The following DMD variants were observed in gnomAD, a reference collection of about 807,000 sequenced individuals.
DMD encodes the protein dystrophin.
A neutral mutation model predicts 330.1 loss-of-function variants in DMD; 63 were observed. The ratio of observed to expected loss-of-function variants is 0.19; its 90% CI spans 0.16 to 0.24. DMD has a LOEUF of 0.24. Among genes scored for constraint, DMD ranks in the 10% least tolerant of loss-of-function variants. The probability of loss-of-function intolerance (pLI) is 1.00; values close to 1 mark genes in which losing one functional copy is unlikely to be tolerated. For synonymous variants in DMD, 1,223 were observed against 959.8 expected (o/e 1.27, Z -5.07); for missense variants, 3,344 against 2,684.1 (o/e 1.25, Z -5.43).
At chrX:32,194,786 G>A (rs2096991502) in intron 44 of DMD, among the ~76,000 whole-genome samples, 1 of 111,949 alleles carries the variant, frequency 8.9e-6, no homozygotes, top group African/African-American at 3.2e-5. Flanking sequence ...GTTGACTTAA[G>A]AAGAAAATGG....
At chrX:32,136,714 TCATGGTATACA>T (rs2096727287) in intron 44 of DMD, among the ~76,000 whole-genome samples, 2 of 112,348 alleles carry the variant, frequency 1.8e-5, no homozygotes, top group Non-Finnish European at 3.8e-5. Context: ...ATTAATCATC[TCATGGTATACA>T]AATTCTAATC....
chrX:31,240,017 G>A (rs1285943525), intron 63 of DMD, among the ~76,000 whole-genome samples: 1 of 111,612 alleles, frequency 9.0e-6, no homozygotes, highest in Non-Finnish European at 1.9e-5. Context: ...GTTTGCTTCT[G>A]AAGTCATGAG....
rs184822746 is a variant in DMD, at chrX:31,889,721, T to G, written c.6913-14348A>C. Among the ~76,000 whole-genome samples, 14 of 105,937 alleles carry G rather than the reference T, an allele frequency of 1.3e-4. 2 individuals are homozygous for G. The highest frequency in any genetic ancestry group is 4.2e-4 in the African/African-American group (12 of 28,869). The allele number at this position is 105,937 out of a possible 115,157, so 92.0% of individuals were successfully genotyped here. On this transcript the variant is annotated intron_variant, in intron 47 of 78. Coordinates refer to ENST00000357033, the MANE Select transcript of DMD (RefSeq NM_004006.3). The stretch of plus-strand genomic sequence containing the variant: ...TGTGTTGTTACAAATTAACCCCGTA[T>G]TTTTCTCCCTCTCTCCCTCCCTCCC...
At chrX:31,368,142 A>G (rs1303360505) in intron 60 of DMD, among the ~76,000 whole-genome samples, 1 of 111,632 alleles carries the variant, frequency 9.0e-6, no homozygotes, top group Non-Finnish European at 1.9e-5. Flanking sequence ...CCTGACCCCC[A>G]TGACATGGGA....
chrX:32,057,849 G>A (rs759197268), intron 44 of DMD, among the ~76,000 whole-genome samples: 2 of 111,170 alleles, frequency 1.8e-5, no homozygotes, highest in Non-Finnish European at 3.8e-5. Flanking sequence ...AATTACCAAA[G>A]CTACCTCAGT....
At chrX:33,123,493 T>A (rs902677698) in intron 1 of DMD, among the ~76,000 whole-genome samples, 2 of 111,013 alleles carry the variant, frequency 1.8e-5, no homozygotes, top group Non-Finnish European at 3.8e-5. Flanking sequence ...CTCGGTTCAA[T>A]GCAACCTCCG....
At chrX:32,547,532 C>T (rs1443685367) in intron 16 of DMD, among the ~76,000 whole-genome samples, 2 of 110,918 alleles carry the variant, frequency 1.8e-5, no homozygotes, top group African/African-American at 3.3e-5. Flanking sequence ...GAAAACTGTG[C>T]ATTCACCCTG....
chrX:31,844,596 A>G (rs141337559), intron 48 of DMD, among the ~76,000 whole-genome samples: 1,815 of 111,763 alleles, frequency 0.016, 27 homozygotes, highest in Middle Eastern at 0.043. Context: ...AATAGCATTG[A>G]ATCTGTAGAT....
intron 49 of DMD, among the ~76,000 whole-genome samples, chrX:31,830,711 C>A (rs182202146): frequency 8.9e-6 from 1 of 111,849 alleles, no homozygotes; most frequent in Non-Finnish European, 1.9e-5. Context: ...GCATTGAGAA[C>A]GTGAAAAATA....
At position 33,010,017 on chromosome X, in the gene DMD, CATATGTGTGT is replaced by C. The variant is rs2093639889; in HGVS notation, c.93+10112_93+10121del. On this transcript the variant is annotated intron_variant, in intron 2 of 78. Transcript: ENST00000357033. The stretch of plus-strand genomic sequence containing the variant: ...ATACACGTATGTATGTGTATATACA[CATATGTGTGT>C]ACATGTGTATATACACATGTGTATA... Among the ~76,000 whole-genome samples, 7 of 60,246 alleles carry C rather than the reference CATATGTGTGT, an allele frequency of 1.2e-4. 1 individual carries two copies. Among genetic ancestry groups the C allele is most frequent in the Admixed American group, 8.1e-4 (5 of 6,175 alleles). 52.3% of individuals were successfully genotyped at this position (60,246 alleles called of 115,157 possible).
chrX:31,286,927 G>A (rs1481485673), intron 62 of DMD, among the ~76,000 whole-genome samples: 4 of 111,976 alleles, frequency 3.6e-5, no homozygotes, highest in South Asian at 7.6e-4. Context: ...CGCCATGCCC[G>A]GCTAAGTTTT....
intron 50 of DMD, among the ~76,000 whole-genome samples, chrX:31,796,928 T>C (rs2091859493): frequency 9.0e-6 from 1 of 111,418 alleles, no homozygotes; most frequent in Admixed American, 9.6e-5. Flanking sequence ...CAGCTCCCCT[T>C]TGCCCTTCAC....
chrX:31,752,885 G>A (rs1424200630), intron 51 of DMD, among the ~76,000 whole-genome samples: 1 of 111,279 alleles, frequency 9.0e-6, no homozygotes, highest in East Asian at 2.8e-4. Flanking sequence ...TCTACTTTTT[G>A]AATTCTTTTC....
At chrX:31,450,753 C>T (rs1216089085) in intron 59 of DMD, among the ~76,000 whole-genome samples, 1 of 112,253 alleles carries the variant, frequency 8.9e-6, no homozygotes, top group Non-Finnish European at 1.9e-5. Context: ...TGGAGACCAG[C>T]ATCAATCTGG....
At chrX:31,572,360 C>T (rs929350461) in intron 55 of DMD, among the ~76,000 whole-genome samples, 1 of 111,791 alleles carries the variant, frequency 8.9e-6, no homozygotes, top group Non-Finnish European at 1.9e-5. Flanking sequence ...AAGAGGTAAC[C>T]ACCTTCAGAT....
intron 51 of DMD, among the ~76,000 whole-genome samples, chrX:31,733,176 TCTCA>T (rs777127975): frequency 9.0e-6 from 1 of 111,561 alleles, no homozygotes; most frequent in East Asian, 2.8e-4. Flanking sequence ...AAGTCTTTAA[TCTCA>T]CTAAGTCCCC....
intron 44 of DMD, among the ~76,000 whole-genome samples, chrX:32,018,174 G>T (rs1298944979): frequency 9.0e-6 from 1 of 111,314 alleles, no homozygotes; most frequent in Non-Finnish European, 1.9e-5. Context: ...TAATAAGTCA[G>T]CATGCTTAAT....
At chrX:33,009,822 GTA>G (rs1170420635) in intron 2 of DMD, among the ~76,000 whole-genome samples, 4 of 14,706 alleles carry the variant, frequency 2.7e-4, no homozygotes, top group Non-Finnish European at 5.9e-4. Flanking sequence ...ACACATATGT[GTA>G]TATGTGTGTA....
chrX:31,282,373 C>T (rs1432398138), intron 62 of DMD, among the ~76,000 whole-genome samples: 2 of 111,185 alleles, frequency 1.8e-5, no homozygotes, highest in East Asian at 5.6e-4. Flanking sequence ...TGATTAATCA[C>T]TTCTCTGTGC....
Sources: allele counts gnomAD v4.1 joint callset (sites outside exome capture counted in the v4.1 genomes callset), GRCh38; gene constraint gnomAD v4.1.1; transcripts MANE v1.5; gene names NCBI Gene and HGNC (gene_info 2026-07-23, HGNC 2026-07-21).